KIAA0586: variants seen among roughly 807,000 people sequenced by gnomAD.
The protein encoded by KIAA0586 is protein TALPID3.
Under a neutral mutation model 169.8 loss-of-function variants are expected in KIAA0586, and 144 were observed. The ratio of observed to expected loss-of-function variants is 0.85; its 90% CI spans 0.74 to 0.97. The LOEUF is 0.97. KIAA0586 is among the 50% of genes least tolerant of loss of function. The pLI, the probability that KIAA0586 is intolerant of heterozygous loss-of-function variation, is 0.00. For missense variants in KIAA0586, 1,854 were observed against 1,823.0 expected, an observed-to-expected ratio of 1.02 and a Z score of -0.31; for synonymous variants, 625 against 612.4, an observed-to-expected ratio of 1.02 and a Z score of -0.30.
chr14:58,428,655 C>A (rs1177348182), intron 1 of KIAA0586, among the ~76,000 whole-genome samples, 192 bp downstream of exon 1: 1 of 149,840 alleles, frequency 6.7e-6, no homozygotes, highest in Non-Finnish European at 1.5e-5. Context: ...ACTTTAACGT[C>A]CCCTGTTGTG....
chr14:58,521,248 C>T lies in KIAA0586; in HGVS notation c.4429+8621C>T, dbSNP rs892168707. On this transcript the variant is annotated intron_variant, in intron 29 of 30. Transcript: ENST00000652326. Reference sequence around the variant, plus strand: ...GTGGCCAGCAACGTTGCCGACAAGACGGATCCTCACTCCATGAACTCCCGT... The same window carrying T: ...GTGGCCAGCAACGTTGCCGACAAGATGGATCCTCACTCCATGAACTCCCGT... 6.4e-5 allele frequency: 71 copies of T among 1,112,386 alleles called. 4 individuals are homozygous for T. Among genetic ancestry groups the T allele is most frequent in the East Asian group, 4.6e-4 (15 of 32,610 alleles). 68.9% of individuals were successfully genotyped at this position (1,112,386 alleles called of 1,614,324 possible).
chr14:58,550,483 C>T lies in KIAA0586; in HGVS notation c.*2551C>T, dbSNP rs558657439. ...ATTAAATTTTACAATTTCCAACTTC[C>T]GGAATAAACTATTTATGAGACATGC... On this transcript the variant is annotated 3_prime_UTR_variant, in exon 31 of 31. Coordinates refer to ENST00000652326, the MANE Select transcript of KIAA0586 (RefSeq NM_001329943.3). 2.6e-5 allele frequency: 4 copies of T among 151,922 alleles called. No homozygotes were observed. The highest frequency in any genetic ancestry group is 4.2e-4 in the South Asian group (2 of 4,808). 9.4% of individuals were successfully genotyped at this position (151,922 alleles called of 1,614,324 possible). A position where few individuals can be genotyped will look rare whatever the true frequency, so the allele number is the denominator to read the frequency against.
intron 27 of KIAA0586, among the ~76,000 whole-genome samples, chr14:58,501,700 T>G (rs1356667153): frequency 6.6e-6 from 1 of 152,232 alleles, no homozygotes; most frequent in Non-Finnish European, 1.5e-5. Flanking sequence ...GTTTAGGCTT[T>G]GAGAGTTTCA....
chr14:58,456,871 A>C (rs1595174404), intron 10 of KIAA0586, 61 bp downstream of exon 10: 2 of 876,492 alleles, frequency 2.3e-6, no homozygotes, highest in East Asian at 5.3e-5. Flanking sequence ...AAAGGAATAA[A>C]AGAGTTATAA....
In KIAA0586 at chr14:58,461,079, A is replaced by C; in HGVS notation, c.1978A>C (p.Lys660Gln). The C allele has an allele frequency of 6.2e-7, 1 of 1,611,620 alleles. No homozygotes were observed. Among genetic ancestry groups the C allele is most frequent in the South Asian group, 1.1e-5 (1 of 90,754 alleles). ...PVYQGHRSTL[K>Q]KGPYLRFNSP... ...TTATCAGGGCCATCGAAGCACTCTTAAAAAAGGACCATATCTCAGATTTAA... is the reference window on the plus strand; with the variant it reads ...TTATCAGGGCCATCGAAGCACTCTTCAAAAAGGACCATATCTCAGATTTAA... Residue 660 changes from lysine (K) to glutamine (Q), a missense_variant, in exon 14 of 31, where the codon AAA becomes CAA. Coordinates refer to ENST00000652326, the MANE Select transcript of KIAA0586 (RefSeq NM_001329943.3).
intron 29 of KIAA0586, among the ~76,000 whole-genome samples, chr14:58,517,093 A>G (rs1273228987): frequency 6.6e-6 from 1 of 152,210 alleles, no homozygotes; most frequent in Non-Finnish European, 1.5e-5. Context: ...TTGGGCAAAG[A>G]TTTCTAAGCT....
In KIAA0586 at chr14:58,508,659, G is replaced by A. The variant is rs771888136; in HGVS notation, c.4273G>A (p.Ala1425Thr). ...KLVLPTTLLT[A>T]QENDVNLPVA... ...GGTTCTTCCCACAACACTTCTGACA[G>A]CACAAGAAAATGATGTTAATTTACC... The change falls in exon 28 of 31, where the codon GCA becomes ACA. Residue 1425 changes from alanine (A) to threonine (T), a missense_variant. Transcript: ENST00000652326. The A allele has an allele frequency of 1.9e-6, 3 of 1,594,070 alleles. No homozygotes were observed. Among genetic ancestry groups the A allele is most frequent in the African/African-American group, 1.3e-5 (1 of 74,846 alleles).
chr14:58,453,624 C>T (rs1159407344), intron 9 of KIAA0586, among the ~76,000 whole-genome samples, 151 bp downstream of exon 9: 1 of 152,018 alleles, frequency 6.6e-6, no homozygotes, highest in Non-Finnish European at 1.5e-5. Context: ...ATATCTTCCC[C>T]CTTTCTATAA....
chr14:58,473,886 A>C lies in KIAA0586; in HGVS notation c.2635-721A>C, dbSNP rs2041411287. 2.0e-5 allele frequency among the ~76,000 whole-genome samples: 3 copies of C among 152,136 alleles called. No individual in the cohort carries two copies. In the South Asian group the frequency reaches 6.2e-4, roughly 32 times the overall value. On this transcript the variant is annotated intron_variant, in intron 18 of 30. Coordinates refer to ENST00000652326, the MANE Select transcript of KIAA0586 (RefSeq NM_001329943.3). Reference sequence around the variant, plus strand: ...GCACCATTGGACTCCAGCCTGGGTGACAAGAGTGAAACTCTGTCTTAAAGA... The same window carrying C: ...GCACCATTGGACTCCAGCCTGGGTGCCAAGAGTGAAACTCTGTCTTAAAGA...
At chr14:58,472,341 C>T (rs2041288028) in intron 18 of KIAA0586, 62 bp downstream of exon 18, 2 of 916,108 alleles carry the variant, frequency 2.2e-6, no homozygotes, top group Admixed American at 2.9e-5. Context: ...AGGTTGTTGA[C>T]TATCTTTGGA....
chr14:58,440,049 A>ATTTTTTT (rs59044231), intron 4 of KIAA0586: 20 of 164,222 alleles, frequency 1.2e-4, no homozygotes, highest in East Asian at 2.1e-4. Flanking sequence ...TTAATTTTTA[A>ATTTTTTT]TTTTTTTTTT....
chr14:58,445,955 G>A lies in KIAA0586; in HGVS notation c.807+1780G>A, dbSNP rs751265866. Among the ~76,000 whole-genome samples, 149 of 150,946 alleles carry A rather than the reference G, an allele frequency of 9.9e-4. 1 individual carries two copies. Among genetic ancestry groups the A allele is most frequent in the Admixed American group, 1.6e-3 (25 of 15,158 alleles). Reference sequence around the variant, plus strand: ...GCAATCTCAGTTCACTGCAGCCTCCGCCTCCCATGTTCAAGCGATTCTCCT... The same window carrying A: ...GCAATCTCAGTTCACTGCAGCCTCCACCTCCCATGTTCAAGCGATTCTCCT... On this transcript the variant is annotated intron_variant, in intron 6 of 30. Transcript: ENST00000652326.
intron 18 of KIAA0586, among the ~76,000 whole-genome samples, chr14:58,472,497 G>A (rs149591301): frequency 2.6e-5 from 4 of 151,738 alleles, no homozygotes; most frequent in South Asian, 2.1e-4. Flanking sequence ...ATTATCTGCC[G>A]TTCCCCACCT....
downstream of KIAA0586, among the ~76,000 whole-genome samples, chr14:58,554,512 T>C (rs537476850): frequency 3.9e-5 from 6 of 152,288 alleles, no homozygotes; most frequent in South Asian, 1.2e-3. Context: ...AAATAGTTCT[T>C]GGTAGAGTTA....
At chr14:58,526,689 C>T (rs1007584869) in intron 29 of KIAA0586, among the ~76,000 whole-genome samples, 4 of 152,130 alleles carry the variant, frequency 2.6e-5, no homozygotes, top group African/African-American at 9.7e-5. Flanking sequence ...GGGAACAAAA[C>T]TGGATGGAGA....
rs747711431 is a variant in KIAA0586, at chr14:58,487,921, T to TC, written c.3341dup (p.Thr1115AsnfsTer25). The TC allele has an allele frequency of 1.2e-6, 2 of 1,613,478 alleles. No individual in the cohort carries two copies. Among genetic ancestry groups the TC allele is most frequent in the Admixed American group, 1.7e-5 (1 of 59,978 alleles). ...TGCCTGCCATCATGCTTGTTAATAC[T>TC]CCAACAGTTACCCCTACTACTACAC... On this transcript the variant is annotated frameshift_variant, in exon 23 of 31. Transcript: ENST00000652326. LOFTEE classifies it high-confidence loss of function.
Position 58,492,704 on chromosome 14 carries a change from CAGG to C in KIAA0586, c.3990+432_3990+434del, listed in dbSNP as rs770628886. 2.6e-5 allele frequency among the ~76,000 whole-genome samples: 4 copies of C among 152,268 alleles called. 1 individual carries two copies. On this transcript the variant is annotated intron_variant, in intron 26 of 30. Transcript: ENST00000652326. ...TATTTACAAGTACTATATGAACACA[CAGG>C]AGAAAAGACTCTGCCTGAAGTTAGA...
chr14:58,489,458 G>T (rs2042694718), intron 24 of KIAA0586, among the ~76,000 whole-genome samples: 1 of 151,930 alleles, frequency 6.6e-6, no homozygotes, highest in African/African-American at 2.4e-5. Flanking sequence ...GAGCTCAAGT[G>T]ATCCACCCGT....
At chr14:58,505,311 C>T (rs952991014) in intron 27 of KIAA0586, among the ~76,000 whole-genome samples, 6 of 152,210 alleles carry the variant, frequency 3.9e-5, no homozygotes, top group Admixed American at 1.3e-4. Context: ...TTAATGATTA[C>T]GTAAAACTTC....
Sources: gnomAD v4.1 joint callset for allele counts (sites outside exome capture counted in the v4.1 genomes callset) on GRCh38, gnomAD v4.1.1 for gene constraint, MANE v1.5 for transcripts, NCBI Gene and HGNC (gene_info 2026-07-23, HGNC 2026-07-21) for gene names.